Variants in HDAC4 observed in about 807,000 individuals in gnomAD.
HDAC4 encodes the protein histone deacetylase A.
HDAC4 carries 16 observed loss-of-function variants against 135.1 expected under a neutral mutation model. That is an observed-to-expected ratio of 0.12 (90% CI 0.08 to 0.18). The LOEUF is 0.18. HDAC4 is among the 10% of genes least tolerant of loss of function. HDAC4 has a pLI of 1.00. For missense variants in HDAC4, 1,143 were observed against 1,511.8 expected, an observed-to-expected ratio of 0.76 and a Z score of 4.05; for synonymous variants, 685 against 653.4, an observed-to-expected ratio of 1.05 and a Z score of -0.74.
In HDAC4 at chr2:239,050,291, T is replaced by C. The variant is rs945242706; in HGVS notation, c.*2806A>G. The C allele has an allele frequency of 1.3e-5, 2 of 151,936 alleles. No homozygotes were observed. Among genetic ancestry groups the C allele is most frequent in the East Asian group, 1.9e-4 (1 of 5,156 alleles). The allele number at this position is 151,936 out of a possible 1,614,324, so 9.4% of individuals were successfully genotyped here. A position where few individuals can be genotyped will look rare whatever the true frequency, so the allele number is the denominator to read the frequency against. ...CCACTGAGCAGTCCATGTTATCCCATCATCTGCTTAAAAAAAAAAAGTGAG... is the reference window on the plus strand; with the variant it reads ...CCACTGAGCAGTCCATGTTATCCCACCATCTGCTTAAAAAAAAAAAGTGAG... On this transcript the variant is annotated 3_prime_UTR_variant, in exon 27 of 27. Transcript: ENST00000543185.
At chr2:239,355,918 A>G (rs1378838941) in intron 1 of HDAC4, among the ~76,000 whole-genome samples, 2 of 152,248 alleles carry the variant, frequency 1.3e-5, no homozygotes, top group African/African-American at 4.8e-5. Flanking sequence ...TAGTGCTGAC[A>G]GCTAGAAACG....
chr2:239,282,525 C>T (rs2050847812), intron 2 of HDAC4, among the ~76,000 whole-genome samples: 1 of 144,146 alleles, frequency 6.9e-6, no homozygotes, highest in African/African-American at 2.6e-5. Flanking sequence ...ACACCACTCT[C>T]AATGTACACA....
At chr2:239,377,823 A>T (rs1695127903) in intron 1 of HDAC4, among the ~76,000 whole-genome samples, 1 of 152,130 alleles carries the variant, frequency 6.6e-6, no homozygotes, top group Non-Finnish European at 1.5e-5. Flanking sequence ...AGACAAGCCC[A>T]GGCCCAAGAC....
chr2:239,073,217 T>A (rs2034375502), intron 22 of HDAC4, among the ~76,000 whole-genome samples: 1 of 152,210 alleles, frequency 6.6e-6, no homozygotes, highest in Non-Finnish European at 1.5e-5. Flanking sequence ...AGTCTGCTTC[T>A]GTTCTTTTTT....
chr2:239,363,705 T>C (rs1464969599), intron 1 of HDAC4, among the ~76,000 whole-genome samples: 1 of 151,950 alleles, frequency 6.6e-6, no homozygotes, highest in Non-Finnish European at 1.5e-5. Flanking sequence ...GTACTGACCA[T>C]GAAGGAAAGA....
intron 2 of HDAC4, among the ~76,000 whole-genome samples, chr2:239,246,109 G>A (rs978374770): frequency 6.6e-6 from 1 of 152,218 alleles, no homozygotes; most frequent in African/African-American, 2.4e-5. Flanking sequence ...TGCCAGGCCA[G>A]GCTTGCTAAC....
intron 9 of HDAC4, among the ~76,000 whole-genome samples, chr2:239,138,722 T>A (rs2041142076): frequency 6.6e-6 from 1 of 152,174 alleles, no homozygotes; most frequent in East Asian, 1.9e-4. Context: ...CCTCTCCTTG[T>A]CAGTGGGGCA....
At chr2:239,226,664 A>ATGG (rs980277838) in intron 3 of HDAC4, among the ~76,000 whole-genome samples, 2 of 140,950 alleles carry the variant, frequency 1.4e-5, no homozygotes, top group Admixed American at 6.9e-5. Context: ...GTAACATGTA[A>ATGG]TGGGGGGGGT....
Position 239,139,320 on chromosome 2 carries a change from C to T in HDAC4, c.978+364G>A, listed in dbSNP as rs1405642712. Among the ~76,000 whole-genome samples the T allele has an allele frequency of 6.6e-6, 1 of 152,194 alleles. No homozygotes were observed. Among genetic ancestry groups the T allele is most frequent in the African/African-American group, 2.4e-5 (1 of 41,442 alleles). On this transcript the variant is annotated intron_variant, in intron 9 of 26. Coordinates refer to ENST00000543185, the MANE Select transcript of HDAC4 (RefSeq NM_001378414.1). The surrounding 1 kb of genome is among the most constrained non-coding windows in gnomAD (Gnocchi z 5.3). ...TCAGCCACCCTCAGAGCACTGGCGA[C>T]CACAGCGAGCTGGGCAGCAGGGATC...
intron 2 of HDAC4, among the ~76,000 whole-genome samples, chr2:239,265,340 C>T (rs760263124): frequency 1.3e-5 from 2 of 152,240 alleles, no homozygotes; most frequent in African/African-American, 4.8e-5. Context: ...CACAGACTTT[C>T]GTATCAGGAA....
intron 15 of HDAC4, among the ~76,000 whole-genome samples, chr2:239,104,789 CAGAA>C (rs752833187): frequency 6.0e-4 from 92 of 152,354 alleles, no homozygotes; most frequent in Middle Eastern, 3.4e-3. Flanking sequence ...GACTGAATTG[CAGAA>C]AGAGAGATCT....
At chr2:239,118,528 G>A (rs965625326) in intron 12 of HDAC4, among the ~76,000 whole-genome samples, 2 of 152,340 alleles carry the variant, frequency 1.3e-5, no homozygotes, top group East Asian at 3.9e-4. Context: ...GTCCACGGGT[G>A]AGCGTGCCGT....
chr2:239,078,062 C>G (rs1427046401), intron 22 of HDAC4, among the ~76,000 whole-genome samples: 2 of 152,180 alleles, frequency 1.3e-5, no homozygotes, highest in African/African-American at 2.4e-5. Flanking sequence ...GCGCTCATCC[C>G]TGACGGAAGA....
intron 1 of HDAC4, among the ~76,000 whole-genome samples, chr2:239,359,863 A>G (rs1445421054): frequency 6.6e-6 from 1 of 152,212 alleles, no homozygotes; most frequent in African/African-American, 2.4e-5. Context: ...TGGACAGAAT[A>G]TCAATGCCCA....
In HDAC4 at chr2:239,349,043, A is replaced by AG. The variant is rs978930315; in HGVS notation, c.22+3634dup. Among the ~76,000 whole-genome samples, 6 of 152,182 alleles carry AG rather than the reference A, an allele frequency of 3.9e-5. No individual in the cohort carries two copies. Among genetic ancestry groups the AG allele is most frequent in the Admixed American group, 3.9e-4 (6 of 15,282 alleles). ...AGCCAAGTCACATGACAAATGTGAG[A>AG]GGGGGCCCATGGGCGGCTGGACTCC... On this transcript the variant is annotated intron_variant, in intron 2 of 26. Transcript: ENST00000543185. This position sits in a 1 kb window ranked among gnomAD's most constrained non-coding sequence, Gnocchi z 5.7.
Position 239,146,238 on chromosome 2 carries a change from C to CA in HDAC4, c.734-1525dup, listed in dbSNP as rs200570751. 7.0e-4 allele frequency among the ~76,000 whole-genome samples: 106 copies of CA among 151,854 alleles called. 2 individuals carry two copies. The highest frequency in any genetic ancestry group is 1.0e-3 in the Non-Finnish European group (69 of 67,920). On this transcript the variant is annotated intron_variant, in intron 7 of 26. Transcript: ENST00000543185. The surrounding 1 kb of genome is among the most constrained non-coding windows in gnomAD (Gnocchi z 4.5). Reference sequence around the variant, plus strand: ...CATTATTCAAAAGACAAAACAAAACCAAAAAAAACAAGCCAAAAAACCCAA... The same window carrying CA: ...CATTATTCAAAAGACAAAACAAAACCAAAAAAAAACAAGCCAAAAAACCCAA...
In HDAC4 at chr2:239,306,914, GCCTCCCGTGTGCA is replaced by G. The variant is rs2052619175; in HGVS notation, c.22+45751_22+45763del. 6.6e-6 allele frequency among the ~76,000 whole-genome samples: 1 copy of G among 151,900 alleles called. No homozygotes were observed. The highest frequency in any genetic ancestry group is 1.5e-5 in the Non-Finnish European group (1 of 67,924). Reference sequence around the variant, plus strand: ...TCAGGAATGTCCAAGGAGGGCCTGAGCCTCCCGTGTGCACCTCCCCAAGGGCGCCTGCACCCTG... The same window carrying G: ...TCAGGAATGTCCAAGGAGGGCCTGAGCCTCCCCAAGGGCGCCTGCACCCTG... On this transcript the variant is annotated intron_variant, in intron 2 of 26. Coordinates refer to ENST00000543185, the MANE Select transcript of HDAC4 (RefSeq NM_001378414.1). The surrounding 1 kb of genome is among the most constrained non-coding windows in gnomAD (Gnocchi z 4.5).
chr2:239,359,631 C>T (rs1232805254), intron 1 of HDAC4, among the ~76,000 whole-genome samples: 2 of 152,194 alleles, frequency 1.3e-5, no homozygotes, highest in Admixed American at 6.5e-5. Context: ...CCCCTCCACT[C>T]GGTCACATAC....
chr2:239,346,150 C>T (rs1342465257), intron 2 of HDAC4, among the ~76,000 whole-genome samples: 1 of 151,404 alleles, frequency 6.6e-6, no homozygotes, highest in Non-Finnish European at 1.5e-5. Context: ...CACACATGCA[C>T]TCACCCAACA....
Sources: allele counts gnomAD v4.1 joint callset (sites outside exome capture counted in the v4.1 genomes callset), GRCh38; gene constraint gnomAD v4.1.1; non-coding constraint Gnocchi (gnomAD v3.1); transcripts MANE v1.5; gene names NCBI Gene and HGNC (gene_info 2026-07-23, HGNC 2026-07-21).